ROBO2: variants seen among roughly 807,000 people sequenced by gnomAD.
ROBO2 encodes the protein roundabout homolog 2.
Under a neutral mutation model 160.8 loss-of-function variants are expected in ROBO2, and 53 were observed. That is an observed-to-expected ratio of 0.33 (90% CI 0.26 to 0.41). The LOEUF (loss-of-function observed/expected upper bound fraction) is 0.41. ROBO2 is among the 10% of genes least tolerant of loss of function. The pLI is 1.00. For missense variants in ROBO2, 1,577 were observed against 1,722.4 expected (o/e 0.92, Z 1.49); for synonymous variants, 664 against 611.7 (o/e 1.09, Z -1.26).
At chr3:76,020,477 A>C (rs2066542557) in intron 2 of ROBO2, among the ~76,000 whole-genome samples, 1 of 151,620 alleles carries the variant, frequency 6.6e-6, no homozygotes, top group Non-Finnish European at 1.5e-5. Flanking sequence ...GTTTTTATTT[A>C]AATTCTATTT....
intron 2 of ROBO2, among the ~76,000 whole-genome samples, chr3:77,400,838 A>G (rs1306925494): frequency 1.3e-5 from 2 of 151,746 alleles, no homozygotes; most frequent in Non-Finnish European, 1.5e-5. Flanking sequence ...AGTTGTTAAA[A>G]TTCTATACCT....
chr3:77,346,666 G>T (rs773379333), intron 2 of ROBO2, among the ~76,000 whole-genome samples: 5 of 152,074 alleles, frequency 3.3e-5, no homozygotes, highest in Admixed American at 6.6e-5. Context: ...CCAGGTTGTT[G>T]CAGGAATTCA....
intron 2 of ROBO2, among the ~76,000 whole-genome samples, chr3:76,824,455 A>G (rs2066398489): frequency 6.6e-6 from 1 of 152,186 alleles, no homozygotes; most frequent in South Asian, 2.1e-4. Flanking sequence ...TAGTGCTGCC[A>G]CACCAGTTTC....
intron 2 of ROBO2, among the ~76,000 whole-genome samples, chr3:76,473,307 A>G (rs937049168): frequency 6.6e-6 from 1 of 152,112 alleles, no homozygotes; most frequent in East Asian, 1.9e-4. Flanking sequence ...CAACTCAACA[A>G]GCCCCTCTTC....
chr3:77,432,698 T>A (rs2078901766), intron 2 of ROBO2, among the ~76,000 whole-genome samples: 1 of 151,972 alleles, frequency 6.6e-6, no homozygotes, highest in Admixed American at 6.6e-5. Flanking sequence ...TCAGTGGGAG[T>A]GTTTGCCTAT....
intron 2 of ROBO2, among the ~76,000 whole-genome samples, chr3:77,200,265 T>TATATATA (rs2082717549): frequency 3.4e-5 from 2 of 59,038 alleles, no homozygotes; most frequent in Non-Finnish European, 6.9e-5. Context: ...AACTAACATA[T>TATATATA]TTTATATATA....
exon 9 of ROBO2, chr3:77,558,091 G>A (rs2093188517): frequency 1.2e-6 from 2 of 1,612,990 alleles, no homozygotes; most frequent in Non-Finnish European, 1.7e-6. Context: ...ACTTTTCCGG[G>A]TAGAGATCCA....
At chr3:76,695,361 T>G (rs2092905258) in intron 2 of ROBO2, among the ~76,000 whole-genome samples, 1 of 152,186 alleles carries the variant, frequency 6.6e-6, no homozygotes, top group African/African-American at 2.4e-5. Flanking sequence ...AATTGTTTGT[T>G]TCTTAGTAGG....
chr3:77,352,565 T>A (rs1181195718), intron 2 of ROBO2, among the ~76,000 whole-genome samples: 1 of 140,632 alleles, frequency 7.1e-6, no homozygotes, highest in Non-Finnish European at 1.6e-5. Flanking sequence ...CATGAAGAAA[T>A]TAGAACATGA....
intron 2 of ROBO2, among the ~76,000 whole-genome samples, chr3:76,148,709 C>G (rs1013662719): frequency 6.6e-6 from 1 of 152,048 alleles, no homozygotes; most frequent in South Asian, 2.1e-4. Context: ...CAATTCTTCC[C>G]TTCTTATGAA....
chr3:76,031,945 A>C (rs1416758674), intron 2 of ROBO2, among the ~76,000 whole-genome samples: 1 of 152,164 alleles, frequency 6.6e-6, no homozygotes, highest in African/African-American at 2.4e-5. Flanking sequence ...GAATGGTACC[A>C]GCTCCTCTTT....
intron 2 of ROBO2, among the ~76,000 whole-genome samples, chr3:76,026,112 A>G (rs531114336): frequency 3.9e-5 from 6 of 152,058 alleles, no homozygotes; most frequent in African/African-American, 1.4e-4. Context: ...TGCCTACAGT[A>G]GTCAGTGACC....
At chr3:77,298,466 C>T (rs2062349801) in intron 2 of ROBO2, among the ~76,000 whole-genome samples, 1 of 152,134 alleles carries the variant, frequency 6.6e-6, no homozygotes, top group Non-Finnish European at 1.5e-5. Context: ...TGCCTAGAGT[C>T]CAGACTCTCT....
At chr3:77,289,935 C>G (rs539028420) in intron 2 of ROBO2, among the ~76,000 whole-genome samples, 2 of 150,538 alleles carry the variant, frequency 1.3e-5, no homozygotes, top group African/African-American at 4.9e-5. Flanking sequence ...GATGGTTAAA[C>G]GGGTAAGCTG....
At chr3:76,485,087 C>T (rs532206517) in intron 2 of ROBO2, among the ~76,000 whole-genome samples, 57 of 151,996 alleles carry the variant, frequency 3.8e-4, no homozygotes, top group African/African-American at 1.2e-3. Context: ...ACGGTGGTGG[C>T]GGGGATGGTT....
At chr3:76,890,558 C>T (rs2074271645) in intron 2 of ROBO2, among the ~76,000 whole-genome samples, 1 of 152,040 alleles carries the variant, frequency 6.6e-6, no homozygotes, top group Admixed American at 6.6e-5. Flanking sequence ...CTTAGGATGA[C>T]TTCTGGTGTG....
chr3:76,811,790 CT>C (rs2065181562), intron 2 of ROBO2, among the ~76,000 whole-genome samples: 1 of 41,492 alleles, frequency 2.4e-5, no homozygotes. Flanking sequence ...TCCTTCCTTC[CT>C]TCCTTCCTTC....
At chr3:77,638,131 C>G (rs548484380) in intron 24 of ROBO2, among the ~76,000 whole-genome samples, 91 of 152,242 alleles carry the variant, frequency 6.0e-4, no homozygotes, top group African/African-American at 2.1e-3. Flanking sequence ...TCCTTAAGAA[C>G]ATTGTTATTT....
intron 2 of ROBO2, among the ~76,000 whole-genome samples, chr3:75,980,377 A>G (rs758752684): frequency 5.3e-5 from 8 of 151,468 alleles, no homozygotes; most frequent in Non-Finnish European, 7.4e-5. Flanking sequence ...AGCATTTCTG[A>G]TGATGTTTGA....
Sources: gnomAD v4.1 joint callset for allele counts (sites outside exome capture counted in the v4.1 genomes callset) on GRCh38, gnomAD v4.1.1 for gene constraint, MANE v1.5 for transcripts, NCBI Gene and HGNC (gene_info 2026-07-23, HGNC 2026-07-21) for gene names.